PALB2: variants seen among roughly 807,000 people sequenced by gnomAD.
PALB2 encodes partner and localizer of BRCA2.
In PALB2, 82 loss-of-function variants were observed where a neutral mutation model predicts 107.4. That is an observed-to-expected ratio of 0.76 (90% CI 0.64 to 0.92). The LOEUF is 0.92. Among genes scored for constraint, PALB2 ranks in the 40% least tolerant of loss-of-function variants. The pLI, the probability that PALB2 is intolerant of heterozygous loss-of-function variation, is 0.00. For missense variants in PALB2, 1,374 were observed against 1,379.9 expected, an observed-to-expected ratio of 1.00 and a Z score of 0.07; for synonymous variants, 489 against 496.8, an observed-to-expected ratio of 0.98 and a Z score of 0.21.
At chr16:23,626,039 C>G (rs1966841925) in intron 7 of PALB2, among the ~76,000 whole-genome samples, 197 bp downstream of exon 7, 1 of 152,040 alleles carries the variant, frequency 6.6e-6, no homozygotes, top group African/African-American at 2.4e-5. Context: ...ATGGTAGAGT[C>G]TAGAATGGTG....
intron 6 of PALB2, among the ~76,000 whole-genome samples, chr16:23,628,794 C>T (rs537429230): frequency 2.0e-5 from 3 of 152,082 alleles, no homozygotes; most frequent in African/African-American, 7.2e-5. Context: ...CCACCACGCC[C>T]GGCTAATTTT....
At chr16:23,612,651 T>C (rs924718428) in intron 11 of PALB2, among the ~76,000 whole-genome samples, 26 of 151,558 alleles carry the variant, frequency 1.7e-4, no homozygotes, top group African/African-American at 6.1e-4. Context: ...CTCAGCCTCC[T>C]GAGTAGCTGG....
chr16:23,606,349 G>A (rs1394412746), intron 12 of PALB2, among the ~76,000 whole-genome samples: 1 of 152,028 alleles, frequency 6.6e-6, no homozygotes, highest in East Asian at 1.9e-4. Flanking sequence ...GAGTTGCAGT[G>A]AGCTGAGATC....
intron 7 of PALB2, among the ~76,000 whole-genome samples, chr16:23,625,211 T>C (rs1326862847): frequency 3.3e-5 from 5 of 152,102 alleles, no homozygotes; most frequent in African/African-American, 1.2e-4. Flanking sequence ...TGGGCGCCTG[T>C]AGTCCCAGCT....
At chr16:23,628,019 T>C (rs941637020) in intron 6 of PALB2, among the ~76,000 whole-genome samples, 2 of 151,810 alleles carry the variant, frequency 1.3e-5, no homozygotes, top group Admixed American at 1.3e-4. Context: ...AGGTCAGGAG[T>C]TCAAGACCAG....
At chr16:23,616,277 C>A (rs950468427) in intron 10 of PALB2, among the ~76,000 whole-genome samples, 1 of 152,034 alleles carries the variant, frequency 6.6e-6, no homozygotes, top group Non-Finnish European at 1.5e-5. Context: ...TGTCCATATA[C>A]CTCATTTGGT....
chr16:23,612,525 T>C (rs1269416064), intron 11 of PALB2, among the ~76,000 whole-genome samples: 1 of 112,576 alleles, frequency 8.9e-6, no homozygotes, highest in African/African-American at 3.5e-5. Context: ...GGCCAAGACT[T>C]TTTTTTTTTT....
At chr16:23,608,801 T>TATATATATATACACACACAC (rs560756242) in intron 11 of PALB2, among the ~76,000 whole-genome samples, 2 of 143,762 alleles carry the variant, frequency 1.4e-5, no homozygotes, top group African/African-American at 5.3e-5. Flanking sequence ...TGTATATATA[T>TATATATATATACACACACAC]ACACACACAC....
chr16:23,631,037 G>C (rs1966871652), intron 4 of PALB2, among the ~76,000 whole-genome samples: 1 of 150,796 alleles, frequency 6.6e-6, no homozygotes, highest in African/African-American at 2.4e-5. Context: ...GCTGAGGCAG[G>C]CGGATCACTT....
At chr16:23,612,374 A>G (rs1233680427) in intron 11 of PALB2, among the ~76,000 whole-genome samples, 1 of 151,894 alleles carries the variant, frequency 6.6e-6, no homozygotes, top group African/African-American at 2.4e-5. Context: ...GCCTGACATG[A>G]CATCTGGCTA....
rs778124229 is a variant in PALB2 at position 23,637,956 on chromosome 16, G to A, written c.109-4C>T. 6.2e-7 allele frequency: 1 copy of A among 1,612,798 alleles called. No homozygotes were observed. The highest frequency in any genetic ancestry group is 1.1e-5 in the South Asian group (1 of 91,058). The stretch of plus-strand genomic sequence containing the variant: ...TCTTTTCAGCTCTTTGGGCACGCTA[G>A]AGGAGACAAAAACAGCCCCAGAAAT... On this transcript the variant is annotated splice_region_variant and splice_polypyrimidine_tract_variant and intron_variant, in intron 2 of 12. Coordinates refer to ENST00000261584, the MANE Select transcript of PALB2 (RefSeq NM_024675.4).
intron 1 of PALB2, among the ~76,000 whole-genome samples, chr16:23,639,377 A>G (rs1232265555): frequency 2.0e-5 from 3 of 152,078 alleles, no homozygotes; most frequent in Non-Finnish European, 4.4e-5. Flanking sequence ...TACTAAAGAT[A>G]CAAAAATGAG....
intron 8 of PALB2, 97 bp downstream of exon 8, chr16:23,623,910 TTC>T (rs1418846119): frequency 8.8e-5 from 70 of 791,338 alleles, no homozygotes; most frequent in Non-Finnish European, 1.5e-4. Context: ...ATCTTTCAGA[TTC>T]TTTCAAGACT....
intron 9 of PALB2, among the ~76,000 whole-genome samples, chr16:23,621,752 A>G (rs539715106): frequency 6.6e-6 from 1 of 152,258 alleles, no homozygotes; most frequent in Admixed American, 6.5e-5. Flanking sequence ...CTGCATTCCT[A>G]TCTCAATGAA....
chr16:23,614,331 C>T (rs997756803), intron 10 of PALB2, among the ~76,000 whole-genome samples: 1 of 152,116 alleles, frequency 6.6e-6, no homozygotes, highest in Non-Finnish European at 1.5e-5. Context: ...ATAAATCTCT[C>T]CAAATTCCAT....
Position 23,636,123 on chromosome 16 carries a change from C to T in PALB2, c.423G>A (p.Gln141=), listed in dbSNP as rs786202680. ...RVSDPSGEQK[Q]KLPSRRKKQQ... is the part of the protein sequence containing the mutation. ...GCTTCTTTCTTCTGCTTGGCAGCTTCTGCTTTTGCTCACCACTAGGGTCAC... is the reference window on the plus strand; with the variant it reads ...GCTTCTTTCTTCTGCTTGGCAGCTTTTGCTTTTGCTCACCACTAGGGTCAC... The change falls in exon 4 of 13, where the codon CAG becomes CAA. Residue 141 remains glutamine (Q), a synonymous_variant. Coordinates refer to ENST00000261584, the MANE Select transcript of PALB2 (RefSeq NM_024675.4). 3 of 1,613,540 alleles carry T rather than the reference C, an allele frequency of 1.9e-6. No individual in the cohort carries two copies. The highest frequency in any genetic ancestry group is 1.7e-6 in the Non-Finnish European group (2 of 1,179,888).
intron 10 of PALB2, 103 bp from the exon 11 acceptor site, chr16:23,614,194 G>C (rs1351959648): frequency 6.1e-6 from 5 of 822,772 alleles, no homozygotes; most frequent in South Asian, 3.0e-5. Flanking sequence ...GGTGACCAGG[G>C]AAAAAACTAA....
At chr16:23,632,591 G>C (rs1966890695) in intron 4 of PALB2, among the ~76,000 whole-genome samples, 1 of 152,172 alleles carries the variant, frequency 6.6e-6, no homozygotes, top group Admixed American at 6.6e-5. Context: ...AGGGGGTCAG[G>C]GGAGGAAATG....
intron 4 of PALB2, among the ~76,000 whole-genome samples, chr16:23,631,991 T>C (rs920082731): frequency 6.6e-5 from 10 of 152,168 alleles, no homozygotes; most frequent in African/African-American, 2.4e-4. Flanking sequence ...TTTACCGCTC[T>C]TATTGCAAAT....
Sources: gnomAD v4.1 joint callset for allele counts (sites outside exome capture counted in the v4.1 genomes callset) on GRCh38, gnomAD v4.1.1 for gene constraint, MANE v1.5 for transcripts, NCBI Gene and HGNC (gene_info 2026-07-23, HGNC 2026-07-21) for gene names.